The following SSBP2 variants were observed in gnomAD, a reference collection of about 807,000 sequenced individuals.
SSBP2 encodes the protein single stranded DNA binding protein 2, also known as single-stranded DNA-binding protein 2.
Under a neutral mutation model 61.8 loss-of-function variants are expected in SSBP2, and 17 were observed. That is an observed-to-expected ratio of 0.28 (90% confidence interval 0.19 to 0.41). The LOEUF (loss-of-function observed/expected upper bound fraction) is 0.41, where lower values mean the gene tolerates loss of function less well. SSBP2 is among the 10% of genes least tolerant of loss of function. The pLI is 1.00. For synonymous variants in SSBP2, 139 were observed against 141.3 expected, an observed-to-expected ratio of 0.98 and a Z score of 0.12; for missense variants, 310 against 458.7, an observed-to-expected ratio of 0.68 and a Z score of 2.96.
intron 10 of SSBP2, among the ~76,000 whole-genome samples, chr5:81,454,506 C>G (rs1359385628): frequency 6.6e-6 from 1 of 152,070 alleles, no homozygotes; most frequent in Non-Finnish European, 1.5e-5. Context: ...CACGGTGAAA[C>G]CTTGTCTATA....
intron 3 of SSBP2, among the ~76,000 whole-genome samples, chr5:81,620,363 A>C (rs1458772457): frequency 6.9e-6 from 1 of 145,620 alleles, no homozygotes; most frequent in Non-Finnish European, 1.5e-5. Context: ...AATTGCTTCA[A>C]AGAGAATAAA....
At chr5:81,504,606 G>A (rs540264077) in intron 5 of SSBP2, among the ~76,000 whole-genome samples, 100 of 152,168 alleles carry the variant, frequency 6.6e-4, no homozygotes, top group Admixed American at 1.3e-3. Flanking sequence ...TTTTTGATGA[G>A]CCCTTTTCTG....
chr5:81,492,948 G>A (rs939952506), intron 5 of SSBP2, among the ~76,000 whole-genome samples: 2 of 152,018 alleles, frequency 1.3e-5, no homozygotes, highest in African/African-American at 2.4e-5. Context: ...AATATTTGAA[G>A]TGTGTGTGGG....
At chr5:81,557,275 T>C (rs1296534422) in intron 4 of SSBP2, among the ~76,000 whole-genome samples, 1 of 152,194 alleles carries the variant, frequency 6.6e-6, no homozygotes, top group Admixed American at 6.5e-5. Flanking sequence ...GATTTTCTCT[T>C]AGCCACTGGT....
At chr5:81,605,768 G>C (rs1490333405) in intron 4 of SSBP2, among the ~76,000 whole-genome samples, 3 of 152,164 alleles carry the variant, frequency 2.0e-5, no homozygotes, top group Non-Finnish European at 4.4e-5. Flanking sequence ...CTGAAAGCCA[G>C]CCTCATAATT....
chr5:81,745,602 C>T (rs1464342730), intron 1 of SSBP2, among the ~76,000 whole-genome samples: 1 of 151,920 alleles, frequency 6.6e-6, no homozygotes. Context: ...TCTGTAATTC[C>T]CACACCAATG....
intron 3 of SSBP2, chr5:81,616,044 T>TC (rs1745982999): frequency 6.5e-6 from 1 of 153,134 alleles, no homozygotes; most frequent in African/African-American, 2.4e-5. Flanking sequence ...ATGGTGTTTT[T>TC]CCCCACAGTT....
chr5:81,569,467 G>T (rs74765503), intron 4 of SSBP2, among the ~76,000 whole-genome samples: 1,723 of 152,278 alleles, frequency 0.011, 26 homozygotes, highest in African/African-American at 0.039. Context: ...CTATCAGCCT[G>T]TATATATGCA....
chr5:81,711,765 G>A (rs932027407), intron 1 of SSBP2, among the ~76,000 whole-genome samples: 4 of 151,792 alleles, frequency 2.6e-5, no homozygotes, highest in Non-Finnish European at 2.9e-5. Flanking sequence ...TAGCATAATG[G>A]TTAACAGTGT....
intron 3 of SSBP2, among the ~76,000 whole-genome samples, chr5:81,626,217 T>A (rs1369755769): frequency 6.6e-6 from 1 of 152,212 alleles, no homozygotes; most frequent in Non-Finnish European, 1.5e-5. Flanking sequence ...TTGCTTCACT[T>A]TTATAAAATT....
intron 1 of SSBP2, among the ~76,000 whole-genome samples, chr5:81,706,446 C>A (rs576561372): frequency 8.5e-5 from 13 of 152,196 alleles, no homozygotes; most frequent in African/African-American, 3.1e-4. Flanking sequence ...TATATCCATG[C>A]AACAAATCTG....
At chr5:81,631,360 G>A (rs1324368781) in intron 3 of SSBP2, among the ~76,000 whole-genome samples, 3 of 151,922 alleles carry the variant, frequency 2.0e-5, no homozygotes, top group Admixed American at 6.6e-5. Context: ...ATTAAATAAC[G>A]TTCCAAGGAA....
At chr5:81,494,716 T>C (rs537531864) in intron 5 of SSBP2, among the ~76,000 whole-genome samples, 31 of 152,052 alleles carry the variant, frequency 2.0e-4, no homozygotes, top group African/African-American at 7.0e-4. Context: ...CATTTTATTA[T>C]AGCAGCCCAA....
intron 1 of SSBP2, among the ~76,000 whole-genome samples, chr5:81,725,646 T>C (rs892317862): frequency 1.3e-5 from 2 of 152,158 alleles, no homozygotes; most frequent in African/African-American, 4.8e-5. Context: ...GGTAAGTGCA[T>C]TCACTGACAT....
At chr5:81,479,199 C>T (rs988977325) in intron 6 of SSBP2, among the ~76,000 whole-genome samples, 2 of 152,146 alleles carry the variant, frequency 1.3e-5, no homozygotes, top group Non-Finnish European at 2.9e-5. Flanking sequence ...AAAATGTATA[C>T]ATCTGTGACA....
In SSBP2 at chr5:81,728,885, G is replaced by A. The variant is rs1451448300; in HGVS notation, c.62+22096C>T. On this transcript the variant is annotated intron_variant, in intron 1 of 16. Transcript: ENST00000320672. ...ATGCAATGCTATAACCAGTAACAAA[G>A]AAAAACTAAATTTGATGTTTAATAG... 2.0e-5 allele frequency among the ~76,000 whole-genome samples: 3 copies of A among 151,970 alleles called. No individual in the cohort carries two copies. In the East Asian group the frequency reaches 5.8e-4, roughly 29 times the overall value.
chr5:81,631,771 A>G (rs980865642), intron 3 of SSBP2, among the ~76,000 whole-genome samples: 1 of 152,100 alleles, frequency 6.6e-6, no homozygotes, highest in African/African-American at 2.4e-5. Context: ...CTCACATCCT[A>G]TTTTGCAGAG....
At chr5:81,654,800 G>A (rs753490884) in intron 1 of SSBP2, among the ~76,000 whole-genome samples, 2 of 152,050 alleles carry the variant, frequency 1.3e-5, no homozygotes, top group Admixed American at 6.6e-5. Context: ...ATCACAGCTT[G>A]GTGCCATGTC....
chr5:81,578,543 G>T (rs1397583942), intron 4 of SSBP2, among the ~76,000 whole-genome samples: 2 of 151,006 alleles, frequency 1.3e-5, no homozygotes, highest in African/African-American at 4.9e-5. Context: ...AAGTATCAAA[G>T]GAACAAAAAG....
Sources: gnomAD v4.1 joint callset for allele counts (sites outside exome capture counted in the v4.1 genomes callset) on GRCh38, gnomAD v4.1.1 for gene constraint, MANE v1.5 for transcripts, NCBI Gene and HGNC (gene_info 2026-07-23, HGNC 2026-07-21) for gene names.